The following TRIM33 variants were observed in gnomAD, a reference collection of about 807,000 sequenced individuals.
TRIM33 encodes tripartite motif containing 33, also known as E3 ubiquitin-protein ligase TRIM33.
TRIM33 carries 20 observed loss-of-function variants against 125.4 expected under a neutral mutation model. The observed-to-expected ratio is 0.16, with a 90% CI of 0.11 to 0.23. The LOEUF (loss-of-function observed/expected upper bound fraction) is 0.23. Among genes scored for constraint, TRIM33 ranks in the 10% least tolerant of loss-of-function variants. The pLI, the probability that TRIM33 is intolerant of heterozygous loss-of-function variation, is 1.00. For missense variants in TRIM33, 920 were observed against 1,411.4 expected (o/e 0.65, Z 5.58); for synonymous variants, 564 against 513.9 (o/e 1.10, Z -1.32).
At chr1:114,442,552 G>A (rs1457215500) in intron 4 of TRIM33, among the ~76,000 whole-genome samples, 1 of 151,930 alleles carries the variant, frequency 6.6e-6, no homozygotes, top group Admixed American at 6.6e-5. Context: ...GCCGAACGTG[G>A]TGGTGGGCGC....
chr1:114,441,069 A>G (rs1402139435), intron 4 of TRIM33, among the ~76,000 whole-genome samples: 1 of 152,226 alleles, frequency 6.6e-6, no homozygotes, highest in Non-Finnish European at 1.5e-5. Flanking sequence ...ACAATTTCGG[A>G]GGCTGAAGTG....
Position 114,393,822 on chromosome 1 carries a change from C to A in TRIM33, c.*3826G>T. 4.8e-6 allele frequency: 1 copy of A among 208,148 alleles called. No homozygotes were observed. Among genetic ancestry groups the A allele is most frequent in the Non-Finnish European group, 9.8e-6 (1 of 102,030 alleles). The allele number at this position is 208,148 out of a possible 1,614,324, so 12.9% of individuals were successfully genotyped here. On this transcript the variant is annotated 3_prime_UTR_variant, in exon 20 of 20. Coordinates refer to ENST00000358465, the MANE Select transcript of TRIM33 (RefSeq NM_015906.4). ...TTTCCCCAATTTTTAAAATAAAATG[C>A]CACAATATAGTGTCATTACTTCCAG...
chr1:114,441,411 C>T (rs1251020008), intron 4 of TRIM33, among the ~76,000 whole-genome samples: 1 of 152,190 alleles, frequency 6.6e-6, no homozygotes, highest in Non-Finnish European at 1.5e-5. Context: ...AGGTCCTGTT[C>T]TTCCTTTCCT....
chr1:114,425,557 C>T lies in TRIM33; in HGVS notation c.1587G>A (p.Gln529=). The T allele has an allele frequency of 6.2e-7, 1 of 1,614,078 alleles. No homozygotes were observed. The highest frequency in any genetic ancestry group is 1.1e-5 in the South Asian group (1 of 91,088). The change falls in exon 9 of 20, where the codon CAG becomes CAA. Residue 529 remains glutamine (Q), a synonymous_variant. Coordinates refer to ENST00000358465, the MANE Select transcript of TRIM33 (RefSeq NM_015906.4). ...MQQQVYAQKH[Q]QLQQMRMQQP... is the part of the protein sequence containing the mutation. ...GCTGCATCCTCATCTGTTGCAACTG[C>T]TGATGTTTCTGTGCATATACTTGTT... is the stretch of plus-strand genomic sequence containing the variant.
chr1:114,482,000 A>G (rs1042834452), intron 1 of TRIM33, among the ~76,000 whole-genome samples: 2 of 152,236 alleles, frequency 1.3e-5, no homozygotes, highest in Middle Eastern at 3.4e-3. Flanking sequence ...ACTTCAGGTG[A>G]TCTGCCCACC....
rs1046641592 is a variant in TRIM33 at position 114,433,809 on chromosome 1, G to A, written c.924-76C>T. 3.3e-6 allele frequency: 3 copies of A among 900,280 alleles called. No homozygotes were observed. The African/African-American group carries it at 5.0e-5, about 15-fold the overall frequency. The allele number at this position is 900,280 out of a possible 1,614,324, so 55.8% of individuals were successfully genotyped here. ...TTTTGGAAATAAAGAACAGCTAAAT[G>A]AGTCAATCTTGAAACCTTAATTAAG... On this transcript the variant is annotated intron_variant, in intron 4 of 19. Coordinates refer to ENST00000358465, the MANE Select transcript of TRIM33 (RefSeq NM_015906.4).
At chr1:114,406,161 AG>A (rs1386491470) in intron 14 of TRIM33, among the ~76,000 whole-genome samples, 1 of 152,196 alleles carries the variant, frequency 6.6e-6, no homozygotes, top group Non-Finnish European at 1.5e-5. Context: ...ACTATATTGT[AG>A]GAAGGCTGCA....
At chr1:114,426,046 C>T (rs1171810350) in intron 8 of TRIM33, among the ~76,000 whole-genome samples, 2 of 152,084 alleles carry the variant, frequency 1.3e-5, no homozygotes, top group Admixed American at 1.3e-4. Context: ...ATCAATTCTC[C>T]CATGACAAGA....
At chr1:114,502,032 A>C (rs1220697765) in intron 1 of TRIM33, among the ~76,000 whole-genome samples, 2 of 152,230 alleles carry the variant, frequency 1.3e-5, no homozygotes, top group African/African-American at 4.8e-5. Context: ...TACCATCCTG[A>C]GCCCAATCTC....
chr1:114,465,891 A>T (rs1388004794), intron 1 of TRIM33, among the ~76,000 whole-genome samples: 1 of 152,032 alleles, frequency 6.6e-6, no homozygotes, highest in Non-Finnish European at 1.5e-5. Flanking sequence ...AATTAAAAAA[A>T]AGTCAGCCGG....
chr1:114,416,484 T>C (rs1003391695), intron 11 of TRIM33, among the ~76,000 whole-genome samples: 2 of 152,240 alleles, frequency 1.3e-5, no homozygotes, highest in African/African-American at 4.8e-5. Context: ...TCAAAAGCTA[T>C]ACAAATAATT....
At chr1:114,480,698 C>T (rs1182391384) in intron 1 of TRIM33, among the ~76,000 whole-genome samples, 1 of 152,064 alleles carries the variant, frequency 6.6e-6, no homozygotes, top group Non-Finnish European at 1.5e-5. Context: ...CTAAATCCAA[C>T]TATATCACTG....
rs141611069 is a variant in TRIM33, at chr1:114,426,776, A to T, written c.1420+401T>A. 2.7e-3 allele frequency among the ~76,000 whole-genome samples: 411 copies of T among 152,320 alleles called. 4 individuals are homozygous for T. The highest frequency in any genetic ancestry group is 4.4e-3 in the Non-Finnish European group (300 of 68,010). Reference sequence around the variant, plus strand: ...ATCTTTCAAACATTCCTCAGGACCTAACTACTGGACACATTAGCATCCTAA... The same window carrying T: ...ATCTTTCAAACATTCCTCAGGACCTTACTACTGGACACATTAGCATCCTAA... On this transcript the variant is annotated intron_variant, in intron 8 of 19. Transcript: ENST00000358465.
chr1:114,423,431 G>GT (rs892022887), intron 10 of TRIM33, among the ~76,000 whole-genome samples: 12 of 151,836 alleles, frequency 7.9e-5, no homozygotes, highest in African/African-American at 2.2e-4. Flanking sequence ...TAATGCAAAG[G>GT]TTTTTTTAAC....
At chr1:114,439,906 A>G (rs1178836593) in intron 4 of TRIM33, among the ~76,000 whole-genome samples, 1 of 152,238 alleles carries the variant, frequency 6.6e-6, no homozygotes, top group African/African-American at 2.4e-5. Context: ...GAAAACTTTC[A>G]GCCTTGAATT....
At chr1:114,444,492 A>C (rs1648855287) in intron 4 of TRIM33, among the ~76,000 whole-genome samples, 1 of 152,204 alleles carries the variant, frequency 6.6e-6, no homozygotes, top group Non-Finnish European at 1.5e-5. Context: ...TTAAAGGACT[A>C]TACCCTGGAG....
At chr1:114,482,208 T>C (rs1215550700) in intron 1 of TRIM33, among the ~76,000 whole-genome samples, 4 of 152,326 alleles carry the variant, frequency 2.6e-5, no homozygotes, top group Non-Finnish European at 5.9e-5. Flanking sequence ...CATATGGCCA[T>C]TAGGTACCAC....
At chr1:114,435,701 G>T (rs1420600386) in intron 4 of TRIM33, among the ~76,000 whole-genome samples, 9 of 151,668 alleles carry the variant, frequency 5.9e-5, no homozygotes, top group Admixed American at 4.6e-4. Context: ...ACTTTATTGT[G>T]GTAAAATATA....
intron 11 of TRIM33, chr1:114,420,267 C>G (rs1653195398): frequency 2.0e-6 from 1 of 491,548 alleles, no homozygotes; most frequent in Admixed American, 2.5e-5. Flanking sequence ...CATCATTTCC[C>G]CCTCTCAGTA....
Sources: allele counts gnomAD v4.1 joint callset (sites outside exome capture counted in the v4.1 genomes callset), GRCh38; gene constraint gnomAD v4.1.1; transcripts MANE v1.5; gene names NCBI Gene and HGNC (gene_info 2026-07-23, HGNC 2026-07-21).